The following VPS4A variants were observed in gnomAD, a reference collection of about 807,000 sequenced individuals.
VPS4A encodes the protein vacuolar protein sorting-associated protein 4A.
Under a neutral mutation model 52.3 loss-of-function variants are expected in VPS4A, and 20 were observed. The observed-to-expected ratio is 0.38, with a 90% CI of 0.27 to 0.56. The LOEUF (loss-of-function observed/expected upper bound fraction) is 0.56, where lower values mean the gene tolerates loss of function less well. Among genes scored for constraint, VPS4A ranks in the 20% least tolerant of loss-of-function variants. The probability of loss-of-function intolerance (pLI) is 0.72; values close to 1 mark genes in which losing one functional copy is unlikely to be tolerated. For missense variants in VPS4A, 419 were observed against 575.9 expected (o/e 0.73, Z 2.79); for synonymous variants, 293 against 227.7 (o/e 1.29, Z -2.58).
chr16:69,320,538 G>A lies in VPS4A; in HGVS notation c.770-150G>A. 1 of 821,594 alleles carries A rather than the reference G, an allele frequency of 1.2e-6. No individual in the cohort carries two copies. Among genetic ancestry groups the A allele is most frequent in the Admixed American group, 2.7e-5 (1 of 36,936 alleles). The allele number at this position is 821,594 out of a possible 1,614,324, so 50.9% of individuals were successfully genotyped here. On this transcript the variant is annotated intron_variant, in intron 7 of 10. Transcript: ENST00000254950. This position sits in a 1 kb window ranked among gnomAD's most constrained non-coding sequence, Gnocchi z 4.2. Reference sequence around the variant, plus strand: ...ACCTGGCACAGCCAGACCAAGATGTGGTTTAATCTCACTTGGGACCCTGCC... The same window carrying A: ...ACCTGGCACAGCCAGACCAAGATGTAGTTTAATCTCACTTGGGACCCTGCC...
In VPS4A at chr16:69,321,218, ACT is replaced by A; in HGVS notation, c.1025_1026del (p.Leu342HisfsTer29). 1 of 1,566,986 alleles carries A rather than the reference ACT, an allele frequency of 6.4e-7. No individual in the cohort carries two copies. The highest frequency in any genetic ancestry group is 8.6e-7 in the Non-Finnish European group (1 of 1,156,662). ...GCGGACATCAGCATCATCGTGCGGG[ACT>A]CTCTCATGCAGCCCGTGAGGAAGGT... On this transcript the variant is annotated frameshift_variant, in exon 9 of 11. Coordinates refer to ENST00000254950, the MANE Select transcript of VPS4A (RefSeq NM_013245.3). LOFTEE classifies it high-confidence loss of function. This position sits in a 1 kb window ranked among gnomAD's most constrained non-coding sequence, Gnocchi z 4.5.
chr16:69,321,089 C>G lies in VPS4A; in HGVS notation c.890C>G (p.Ala297Gly), dbSNP rs896113006. Residue 297 changes from alanine to glycine, a missense_variant, in exon 9 of 11, where the codon GCT becomes GGT. Ala to Gly is a moderately conservative substitution (Grantham distance 60). Coordinates refer to ENST00000254950, the MANE Select transcript of VPS4A (RefSeq NM_013245.3). This position sits in a 1 kb window ranked among gnomAD's most constrained non-coding sequence, Gnocchi z 4.5. ...KRIYIPLPEE[A>G]ARAQMFRLHL... is the part of the protein sequence containing the mutation. The stretch of plus-strand genomic sequence containing the variant: ...ATTTATATCCCCTTGCCGGAGGAAG[C>G]TGCCCGCGCCCAGATGTTCCGGTTG... The G allele has an allele frequency of 3.8e-6, 6 of 1,595,858 alleles. No individual in the cohort carries two copies. The Admixed American group carries it at 6.9e-5, about 18-fold the overall frequency.
rs1382443820 is a variant in VPS4A, at chr16:69,324,852, TC to T, written c.*545del. 1 of 167,522 alleles carries T rather than the reference TC, an allele frequency of 6.0e-6. No homozygotes were observed. The highest frequency in any genetic ancestry group is 1.3e-5 in the Non-Finnish European group (1 of 76,134). The allele number at this position is 167,522 out of a possible 1,614,324, so 10.4% of individuals were successfully genotyped here. On this transcript the variant is annotated 3_prime_UTR_variant, in exon 11 of 11. Transcript: ENST00000254950. ...CGAGTGACATAAGCCATTCCCACCC[TC>T]CTAGGTTCACATCCAGGGCTGTGTC...
At chr16:69,316,434 G>A in intron 3 of VPS4A, 62 bp downstream of exon 3, 1 of 1,589,820 alleles carries the variant, frequency 6.3e-7, no homozygotes, top group South Asian at 1.2e-5. Flanking sequence ...TATCATTCCT[G>A]GCGCTCATGC....
chr16:69,320,414 CCT>C lies in VPS4A; in HGVS notation c.769+127_769+128del. The C allele has an allele frequency of 7.2e-7, 1 of 1,388,562 alleles. No individual in the cohort carries two copies. Among genetic ancestry groups the C allele is most frequent in the Non-Finnish European group, 9.8e-7 (1 of 1,025,150 alleles). 86.0% of individuals were successfully genotyped at this position (1,388,562 alleles called of 1,614,324 possible). A position where few individuals can be genotyped will look rare whatever the true frequency, so the allele number is the denominator to read the frequency against. ...GGAGAGGCACTCCCCAGCTCCAGCC[CCT>C]CAGGGCACGGGTGGACTTCAATTCC... On this transcript the variant is annotated intron_variant, in intron 7 of 10. Transcript: ENST00000254950. This position sits in a 1 kb window ranked among gnomAD's most constrained non-coding sequence, Gnocchi z 4.2.
At chr16:69,318,577 C>A (rs1965467369) in intron 3 of VPS4A, 73 bp from the exon 4 acceptor site, 2 of 1,520,364 alleles carry the variant, frequency 1.3e-6, no homozygotes, top group East Asian at 2.4e-5. Context: ...GGCAGCGGAG[C>A]CTGGACTTGC....
chr16:69,319,603 G>A, intron 6 of VPS4A, 60 bp downstream of exon 6: 3 of 1,560,870 alleles, frequency 1.9e-6, no homozygotes, highest in Non-Finnish European at 2.6e-6. Flanking sequence ...TGACCCAGCG[G>A]CCCACCCTGT....
At chr16:69,315,094 T>C (rs960247804) in intron 1 of VPS4A, among the ~76,000 whole-genome samples, 8 of 152,084 alleles carry the variant, frequency 5.3e-5, no homozygotes, top group Non-Finnish European at 1.2e-4. Flanking sequence ...ATTAGCCGGA[T>C]GTAGTGGTGG....
At chr16:69,319,058 A>C in intron 5 of VPS4A, 116 bp downstream of exon 5, 1 of 1,440,498 alleles carries the variant, frequency 6.9e-7, no homozygotes, top group East Asian at 2.3e-5. Context: ...GCAGAGGGCC[A>C]GGCCTGGCTG....
rs913754468 is a variant in VPS4A at position 69,320,954 on chromosome 16, G to A, written c.852-97G>A. 20 of 1,349,390 alleles carry A rather than the reference G, an allele frequency of 1.5e-5. No homozygotes were observed. The Admixed American group carries it at 3.8e-4, about 26-fold the overall frequency. The allele number at this position is 1,349,390 out of a possible 1,614,324, so 83.6% of individuals were successfully genotyped here. A position where few individuals can be genotyped will look rare whatever the true frequency, so the allele number is the denominator to read the frequency against. On this transcript the variant is annotated intron_variant, in intron 8 of 10. Transcript: ENST00000254950. This position sits in a 1 kb window ranked among gnomAD's most constrained non-coding sequence, Gnocchi z 4.2. ...TGTGCCGCCAGCATCACTGGCCCAT[G>A]AAATGCGTCCGTTTCACTCAAATCT... is the stretch of plus-strand genomic sequence containing the variant.
chr16:69,313,007 C>A (rs955085129), intron 1 of VPS4A, among the ~76,000 whole-genome samples: 3 of 151,458 alleles, frequency 2.0e-5, no homozygotes, highest in African/African-American at 7.3e-5. Context: ...TTGAGACAGT[C>A]TCATTCTGTC....
In VPS4A at chr16:69,324,525, C is replaced by G. The variant is rs751094543; in HGVS notation, c.*216C>G. ...GGGCACACAGTGGACACTGCTCTTC[C>G]TACTTCCTCCTCTCCTGGATGCTCA... On this transcript the variant is annotated 3_prime_UTR_variant, in exon 11 of 11. Coordinates refer to ENST00000254950, the MANE Select transcript of VPS4A (RefSeq NM_013245.3). 8.2e-5 allele frequency: 46 copies of G among 561,222 alleles called. No individual in the cohort carries two copies. The highest frequency in any genetic ancestry group is 1.3e-4 in the Non-Finnish European group (41 of 311,936). The allele number at this position is 561,222 out of a possible 1,614,324, so 34.8% of individuals were successfully genotyped here.
Position 69,324,233 on chromosome 16 carries a change from C to A in VPS4A, c.1238C>A (p.Thr413Asn). The change falls in exon 11 of 11, where the codon ACC (threonine) becomes AAC (asparagine). Residue 413 changes from threonine to asparagine, a missense_variant. This residue lies in a region of VPS4A where 185 missense variants were observed against 200.2 expected (regional missense o/e 0.92). Coordinates refer to ENST00000254950, the MANE Select transcript of VPS4A (RefSeq NM_013245.3). ...TCGGACATGCTGCGGTCTCTGGCCACCACCCGGCCCACGGTGAATGCAGAC... is the reference window on the plus strand; with the variant it reads ...TCGGACATGCTGCGGTCTCTGGCCAACACCCGGCCCACGGTGAATGCAGAC... ...CMSDMLRSLA[T>N]TRPTVNADDL... 6.2e-7 allele frequency: 1 copy of A among 1,613,780 alleles called. No individual in the cohort carries two copies. The highest frequency in any genetic ancestry group is 8.5e-7 in the Non-Finnish European group (1 of 1,179,844).
intron 3 of VPS4A, among the ~76,000 whole-genome samples, chr16:69,317,287 C>T (rs1965449341): frequency 6.6e-6 from 1 of 152,178 alleles, no homozygotes; most frequent in South Asian, 2.1e-4. Context: ...CTTTCGATTT[C>T]GGTTTTGCTT....
In VPS4A at chr16:69,311,367, C is replaced by T. The variant is rs1597209718; in HGVS notation, c.-145C>T. ...CCTCGCTTGCCCTCGGACTCGGCTC[C>T]CGCTGCGAGCGGCCGCCCTGCCCGC... On this transcript the variant is annotated 5_prime_UTR_variant, in exon 1 of 11. Coordinates refer to ENST00000254950, the MANE Select transcript of VPS4A (RefSeq NM_013245.3). 2 of 918,676 alleles carry T rather than the reference C, an allele frequency of 2.2e-6. No homozygotes were observed. Among genetic ancestry groups the T allele is most frequent in the Non-Finnish European group, 2.8e-6 (2 of 702,548 alleles). The allele number at this position is 918,676 out of a possible 1,614,324, so 56.9% of individuals were successfully genotyped here. A position where few individuals can be genotyped will look rare whatever the true frequency, so the allele number is the denominator to read the frequency against.
At position 69,325,356 on chromosome 16, in the gene VPS4A, G is replaced by A. The variant is rs1597216448; in HGVS notation, c.*1047G>A. 1.3e-5 allele frequency: 2 copies of A among 151,720 alleles called. No individual in the cohort carries two copies. Among genetic ancestry groups the A allele is most frequent in the Non-Finnish European group, 2.9e-5 (2 of 67,846 alleles). 9.4% of individuals were successfully genotyped at this position (151,720 alleles called of 1,614,324 possible). A position where few individuals can be genotyped will look rare whatever the true frequency, so the allele number is the denominator to read the frequency against. On this transcript the variant is annotated 3_prime_UTR_variant, in exon 11 of 11. Coordinates refer to ENST00000254950, the MANE Select transcript of VPS4A (RefSeq NM_013245.3). ...CCTGCAGCTGTGTTTGTTTGGTTTG[G>A]TCTGCCGCTAACATTTAAAAGTCGA...
At position 69,320,823 on chromosome 16, in the gene VPS4A, C is replaced by T. The variant is rs572609500; in HGVS notation, c.851+54C>T. ...TGGAGGCTTCCTCCCACCATGGTCA[C>T]GGTCCGCCTGCTGCTGGCAGCCCGG... On this transcript the variant is annotated intron_variant, in intron 8 of 10. Coordinates refer to ENST00000254950, the MANE Select transcript of VPS4A (RefSeq NM_013245.3). This position sits in a 1 kb window ranked among gnomAD's most constrained non-coding sequence, Gnocchi z 4.2. 5.9e-6 allele frequency: 9 copies of T among 1,531,406 alleles called. No homozygotes were observed. The highest frequency in any genetic ancestry group is 2.4e-5 in the East Asian group (1 of 41,864). The allele number at this position is 1,531,406 out of a possible 1,614,324, so 94.9% of individuals were successfully genotyped here. A position where few individuals can be genotyped will look rare whatever the true frequency, so the allele number is the denominator to read the frequency against.
Position 69,321,659 on chromosome 16 carries a change from C to T in VPS4A, c.1071+389C>T, listed in dbSNP as rs1347942003. 12 of 249,948 alleles carry T rather than the reference C, an allele frequency of 4.8e-5. No homozygotes were observed. The Admixed American group carries it at 6.0e-4, about 12-fold the overall frequency. The allele number at this position is 249,948 out of a possible 1,614,324, so 15.5% of individuals were successfully genotyped here. A position where few individuals can be genotyped will look rare whatever the true frequency, so the allele number is the denominator to read the frequency against. The stretch of plus-strand genomic sequence containing the variant: ...CTCTGCTGAGTATTTGCTGTGGGTC[C>T]TCCTGTGTGCCCGGCCCTGTCCTAA... On this transcript the variant is annotated intron_variant, in intron 9 of 10. Coordinates refer to ENST00000254950, the MANE Select transcript of VPS4A (RefSeq NM_013245.3). The surrounding 1 kb of genome is among the most constrained non-coding windows in gnomAD (Gnocchi z 4.5).
intron 10 of VPS4A, chr16:69,323,332 T>A (rs1481552881): frequency 4.9e-6 from 1 of 205,042 alleles, no homozygotes; most frequent in African/African-American, 2.4e-5. Context: ...TCCTTTTTTT[T>A]TTAGAAACGG....
Sources: allele counts gnomAD v4.1 joint callset (sites outside exome capture counted in the v4.1 genomes callset), GRCh38; gene constraint gnomAD v4.1.1; regional missense constraint gnomAD v4.1.1; non-coding constraint Gnocchi (gnomAD v3.1); transcripts MANE v1.5; gene names NCBI Gene and HGNC (gene_info 2026-07-23, HGNC 2026-07-21).